ZCWPW2: variants seen among roughly 807,000 people sequenced by gnomAD.
ZCWPW2 encodes the protein zinc finger CW-type PWWP domain protein 2.
Under a neutral mutation model 46.6 loss-of-function variants are expected in ZCWPW2, and 45 were observed. That is an observed-to-expected ratio of 0.96 (90% CI 0.76 to 1.24). ZCWPW2 has a LOEUF of 1.24. Among genes scored for constraint, ZCWPW2 ranks in the 50% most tolerant of loss-of-function variants. The pLI is 0.00. For missense variants in ZCWPW2, 429 were observed against 403.9 expected, an observed-to-expected ratio of 1.06 and a Z score of -0.53; for synonymous variants, 152 against 137.1, an observed-to-expected ratio of 1.11 and a Z score of -0.76.
intron 1 of ZCWPW2, among the ~76,000 whole-genome samples, chr3:28,389,504 T>C (rs1695405692): frequency 6.6e-6 from 1 of 152,208 alleles, no homozygotes; most frequent in Non-Finnish European, 1.5e-5. Context: ...CTTACCTCTA[T>C]TGCCATATCA....
chr3:28,462,271 G>A (rs986430680), intron 4 of ZCWPW2, among the ~76,000 whole-genome samples: 2 of 152,180 alleles, frequency 1.3e-5, no homozygotes, highest in Non-Finnish European at 2.9e-5. Flanking sequence ...AAGAAGAATA[G>A]CACCATGGTA....
chr3:28,438,843 T>C (rs894036130), intron 4 of ZCWPW2, among the ~76,000 whole-genome samples: 1 of 151,708 alleles, frequency 6.6e-6, no homozygotes, highest in African/African-American at 2.4e-5. Flanking sequence ...AGAAAACCTA[T>C]AAGAAAACCA....
At chr3:28,466,153 C>G (rs913923600) in intron 4 of ZCWPW2, among the ~76,000 whole-genome samples, 1 of 152,054 alleles carries the variant, frequency 6.6e-6, no homozygotes, top group South Asian at 2.1e-4. Context: ...AAGATAGGAA[C>G]AGTAGACACC....
intron 4 of ZCWPW2, among the ~76,000 whole-genome samples, chr3:28,449,440 A>G (rs1016547787): frequency 5.3e-5 from 8 of 152,240 alleles, no homozygotes; most frequent in African/African-American, 1.9e-4. Flanking sequence ...GACAAATACC[A>G]TATGATTCCA....
chr3:28,354,051 G>A (rs1704645558), intron 1 of ZCWPW2, among the ~76,000 whole-genome samples: 1 of 152,136 alleles, frequency 6.6e-6, no homozygotes, highest in South Asian at 2.1e-4. Flanking sequence ...GCACTGGGAT[G>A]AAATAGGCAA....
At chr3:28,422,837 A>G (rs1258767988) in intron 3 of ZCWPW2, among the ~76,000 whole-genome samples, 1 of 152,026 alleles carries the variant, frequency 6.6e-6, no homozygotes, top group Non-Finnish European at 1.5e-5. Context: ...ATTATTTTGC[A>G]TTCCCAACAG....
intron 1 of ZCWPW2, among the ~76,000 whole-genome samples, chr3:28,357,225 A>T (rs955958310): frequency 2.6e-5 from 4 of 152,198 alleles, no homozygotes; most frequent in Non-Finnish European, 4.4e-5. Flanking sequence ...TAATGAAAGG[A>T]TGACATTAAA....
chr3:28,489,413 T>TC (rs1399454010), intron 5 of ZCWPW2, among the ~76,000 whole-genome samples: 1 of 152,060 alleles, frequency 6.6e-6, no homozygotes, highest in Non-Finnish European at 1.5e-5. Context: ...ACATGATTAA[T>TC]CCCAAAATAT....
chr3:28,444,636 G>C (rs183146382), intron 4 of ZCWPW2, among the ~76,000 whole-genome samples: 4 of 152,102 alleles, frequency 2.6e-5, no homozygotes, highest in Non-Finnish European at 5.9e-5. Context: ...TCAGTCACTC[G>C]CATGATAAGA....
At chr3:28,514,419 A>G (rs546796094) in intron 7 of ZCWPW2, among the ~76,000 whole-genome samples, 13 of 152,302 alleles carry the variant, frequency 8.5e-5, no homozygotes, top group Non-Finnish European at 1.9e-4. Context: ...AAGAAAAAAT[A>G]TCAAATGCCA....
At chr3:28,464,897 G>A (rs1272262156) in intron 4 of ZCWPW2, among the ~76,000 whole-genome samples, 1 of 152,220 alleles carries the variant, frequency 6.6e-6, no homozygotes, top group Non-Finnish European at 1.5e-5. Context: ...CATGGCTTAA[G>A]AAACATCTGG....
intron 3 of ZCWPW2, 42 bp downstream of exon 3, chr3:28,413,442 G>C (rs1182947488): frequency 2.7e-6 from 4 of 1,494,684 alleles, no homozygotes; most frequent in Non-Finnish European, 3.6e-6. Context: ...ATGTAGTCTT[G>C]CTAGGTTTAT....
At chr3:28,428,731 G>T (rs1373108131) in intron 3 of ZCWPW2, among the ~76,000 whole-genome samples, 4 of 152,114 alleles carry the variant, frequency 2.6e-5, no homozygotes, top group Non-Finnish European at 5.9e-5. Flanking sequence ...ATTCCCCCAT[G>T]CTGTTCTCAT....
intron 3 of ZCWPW2, among the ~76,000 whole-genome samples, chr3:28,416,841 C>T (rs1696594978): frequency 8.3e-6 from 1 of 120,158 alleles, no homozygotes; most frequent in Non-Finnish European, 1.7e-5. Flanking sequence ...TATGTTGAAC[C>T]AGCCTTGCAT....
intron 2 of ZCWPW2, among the ~76,000 whole-genome samples, chr3:28,401,127 T>C (rs1217672082): frequency 4.6e-5 from 7 of 151,016 alleles, no homozygotes; most frequent in African/African-American, 1.2e-4. Flanking sequence ...TGCAGTGAGC[T>C]GAGATTGCAC....
chr3:28,372,050 C>T (rs1054418834), intron 1 of ZCWPW2, among the ~76,000 whole-genome samples: 1 of 151,624 alleles, frequency 6.6e-6, no homozygotes, highest in Non-Finnish European at 1.5e-5. Context: ...CTTCCTGCCC[C>T]TCCTCCTCCT....
chr3:28,396,949 C>G (rs989884021), intron 2 of ZCWPW2, among the ~76,000 whole-genome samples: 1 of 151,928 alleles, frequency 6.6e-6, no homozygotes, highest in Non-Finnish European at 1.5e-5. Flanking sequence ...GCCAACATGG[C>G]AAAACTCCGT....
chr3:28,348,947 G>A lies in ZCWPW2; in HGVS notation c.-390G>A, dbSNP rs2125679690. 2 of 985,520 alleles carry A rather than the reference G, an allele frequency of 2.0e-6. No individual in the cohort carries two copies. Among genetic ancestry groups the A allele is most frequent in the East Asian group, 1.1e-4 (1 of 8,798 alleles). 61.0% of individuals were successfully genotyped at this position (985,520 alleles called of 1,614,324 possible). Reference sequence around the variant, plus strand: ...GGGCCGGAGGGAGGGGAAGCACTCCGGAAAGTGATTGGAAGTGTGGATGAG... The same window carrying A: ...GGGCCGGAGGGAGGGGAAGCACTCCAGAAAGTGATTGGAAGTGTGGATGAG... On this transcript the variant is annotated 5_prime_UTR_variant, in exon 1 of 10. Transcript: ENST00000383768.
chr3:28,353,069 G>A (rs2125685561), intron 1 of ZCWPW2, among the ~76,000 whole-genome samples: 1 of 152,100 alleles, frequency 6.6e-6, no homozygotes, highest in South Asian at 2.1e-4. Context: ...TGTAGTCCCA[G>A]CCACCTGGGG....
Sources: allele counts gnomAD v4.1 joint callset (sites outside exome capture counted in the v4.1 genomes callset), GRCh38; gene constraint gnomAD v4.1.1; transcripts MANE v1.5; gene names NCBI Gene and HGNC (gene_info 2026-07-23, HGNC 2026-07-21).